The following SHROOM3 variants were observed in gnomAD, a reference collection of about 807,000 sequenced individuals.
SHROOM3 encodes protein Shroom3.
SHROOM3 carries 47 observed loss-of-function variants against 138.6 expected under a neutral mutation model. The observed-to-expected ratio is 0.34, with a 90% confidence interval of 0.27 to 0.43. SHROOM3 has a LOEUF of 0.43. Ranked by LOEUF, SHROOM3 falls within the 20% of genes least tolerant of loss-of-function variation. SHROOM3 has a pLI of 1.00. For missense variants in SHROOM3, 2,491 were observed against 2,596.5 expected, an observed-to-expected ratio of 0.96 and a Z score of 0.88; for synonymous variants, 1,062 against 1,063.3, an observed-to-expected ratio of 1.00 and a Z score of 0.02.
intron 2 of SHROOM3, among the ~76,000 whole-genome samples, chr4:76,620,289 G>T (rs1734975393): frequency 6.6e-6 from 1 of 152,022 alleles, no homozygotes; most frequent in Admixed American, 6.6e-5. Flanking sequence ...GCTGATGAAG[G>T]TGTCCAACAG....
Position 76,741,057 on chromosome 4 carries a change from T to C in SHROOM3, c.2884T>C (p.Ser962Pro), listed in dbSNP as rs1382765703. 5 of 1,505,198 alleles carry C rather than the reference T, an allele frequency of 3.3e-6. No individual in the cohort carries two copies. The African/African-American group carries it at 5.6e-5, about 17-fold the overall frequency. The allele number at this position is 1,505,198 out of a possible 1,614,324, so 93.2% of individuals were successfully genotyped here. A position where few individuals can be genotyped will look rare whatever the true frequency, so the allele number is the denominator to read the frequency against. The change falls in exon 5 of 11, where the codon TCC becomes CCC. Residue 962 changes from serine (S) to proline (P), a missense_variant. Ser to Pro is a moderately conservative substitution (Grantham distance 74). Around this residue, in one of 4 missense-constraint regions of SHROOM3, gnomAD observed 1,733 missense variants for 1,661.6 expected, o/e 1.04. Coordinates refer to ENST00000296043, the MANE Select transcript of SHROOM3 (RefSeq NM_020859.4). This position sits in a 1 kb window ranked among gnomAD's most constrained non-coding sequence, Gnocchi z 6.2. ...GTCGAGGTCCTGGCGGCCACGGCCT[T>C]CCTCGGCCCACGTGGGGCTGCGGAG... is the stretch of plus-strand genomic sequence containing the variant. ...VASRSWRPRPSSAHVGLRSPE... is the reference protein window; with the variant it reads ...VASRSWRPRPPSAHVGLRSPE...
chr4:76,501,601 A>G (rs572212669), intron 1 of SHROOM3, among the ~76,000 whole-genome samples: 1 of 152,324 alleles, frequency 6.6e-6, no homozygotes, highest in South Asian at 2.1e-4. Context: ...AGACTAAGCC[A>G]TAATTATAAG....
At chr4:76,523,532 A>G (rs1191879402) in intron 1 of SHROOM3, among the ~76,000 whole-genome samples, 2 of 152,166 alleles carry the variant, frequency 1.3e-5, no homozygotes, top group Non-Finnish European at 2.9e-5. Flanking sequence ...CCTTCTTTCA[A>G]TGATTCTAAA....
chr4:76,527,907 G>C (rs1259758482), intron 1 of SHROOM3, among the ~76,000 whole-genome samples: 1 of 152,208 alleles, frequency 6.6e-6, no homozygotes, highest in Admixed American at 6.5e-5. Flanking sequence ...AATCCCCACA[G>C]CTGGTGGTGG....
At chr4:76,455,492 A>T (rs181659861) in intron 1 of SHROOM3, among the ~76,000 whole-genome samples, 1 of 152,136 alleles carries the variant, frequency 6.6e-6, no homozygotes, top group Admixed American at 6.5e-5. Flanking sequence ...CCTAGCAAAA[A>T]CTTCATTAAT....
chr4:76,507,609 T>A (rs1438824400), intron 1 of SHROOM3, among the ~76,000 whole-genome samples: 1 of 151,120 alleles, frequency 6.6e-6, no homozygotes, highest in Non-Finnish European at 1.5e-5. Context: ...TGATCTCGGC[T>A]CACTGCAAGC....
At chr4:76,582,242 T>C (rs930059803) in intron 2 of SHROOM3, among the ~76,000 whole-genome samples, 3 of 152,200 alleles carry the variant, frequency 2.0e-5, no homozygotes, top group African/African-American at 7.2e-5. Flanking sequence ...CCCCCATTCA[T>C]AAATTTCCTA....
chr4:76,494,655 G>T (rs1353061240), intron 1 of SHROOM3, among the ~76,000 whole-genome samples: 4 of 152,206 alleles, frequency 2.6e-5, no homozygotes, highest in Non-Finnish European at 5.9e-5. Context: ...TCGTAAGGGG[G>T]TGTCCCCTCC....
chr4:76,748,025 C>T (rs983705964), intron 5 of SHROOM3, among the ~76,000 whole-genome samples: 2 of 152,166 alleles, frequency 1.3e-5, no homozygotes, highest in Admixed American at 1.3e-4. Context: ...ATATTCCAGG[C>T]ATATAATTTG....
intron 2 of SHROOM3, among the ~76,000 whole-genome samples, chr4:76,603,025 T>C (rs1734537194): frequency 6.6e-6 from 1 of 152,222 alleles, no homozygotes; most frequent in African/African-American, 2.4e-5. Context: ...GTACTAAAGA[T>C]GGACTGATCG....
intron 9 of SHROOM3, among the ~76,000 whole-genome samples, chr4:76,765,735 G>A (rs183862948): frequency 2.6e-5 from 4 of 152,150 alleles, no homozygotes; most frequent in East Asian, 1.9e-4. Context: ...CTAATCTTAC[G>A]ACTGCACAAA....
chr4:76,628,730 G>A (rs1014647913), intron 2 of SHROOM3: 1 of 151,868 alleles, frequency 6.6e-6, no homozygotes, highest in African/African-American at 2.4e-5. Context: ...ATATTTGAAG[G>A]GCATTTAAAA....
chr4:76,548,008 AG>A (rs1374321570), intron 1 of SHROOM3, among the ~76,000 whole-genome samples: 1 of 151,948 alleles, frequency 6.6e-6, no homozygotes, highest in African/African-American at 2.4e-5. Flanking sequence ...GAGGAAGATA[AG>A]TAGTATTAGG....
intron 1 of SHROOM3, among the ~76,000 whole-genome samples, chr4:76,551,717 C>T (rs1387351908): frequency 2.0e-5 from 3 of 152,114 alleles, no homozygotes; most frequent in South Asian, 2.1e-4. Context: ...CAGACATAGA[C>T]ATAAATAGCT....
chr4:76,716,016 ATG>A, intron 3 of SHROOM3: 1 of 204,602 alleles, frequency 4.9e-6, no homozygotes, highest in East Asian at 1.3e-4. Flanking sequence ...CTATCATCAG[ATG>A]ATTTTCCTTG....
intron 2 of SHROOM3, among the ~76,000 whole-genome samples, chr4:76,591,787 C>T (rs1734278800): frequency 6.6e-6 from 1 of 151,806 alleles, no homozygotes; most frequent in African/African-American, 2.4e-5. Context: ...CTCATACCCT[C>T]TTTGTGCATA....
At chr4:76,490,307 T>A (rs1434085398) in intron 1 of SHROOM3, among the ~76,000 whole-genome samples, 1 of 152,098 alleles carries the variant, frequency 6.6e-6, no homozygotes, top group Non-Finnish European at 1.5e-5. Context: ...AAATTACAAA[T>A]GAAGACTTGA....
In SHROOM3 at chr4:76,754,864, C is replaced by G; in HGVS notation, c.4381C>G (p.Gln1461Glu). The G allele has an allele frequency of 7.4e-6, 12 of 1,614,182 alleles. No individual in the cohort carries two copies. The highest frequency in any genetic ancestry group is 1.0e-5 in the Non-Finnish European group (12 of 1,180,014). Residue 1461 changes from glutamine (Q) to glutamate (E), a missense_variant, in exon 7 of 11, where the codon CAG becomes GAG. Gln to Glu is a conservative substitution (Grantham distance 29). This residue lies in a region of SHROOM3 where 1,733 missense variants were observed against 1,661.6 expected (regional missense o/e 1.04). Coordinates refer to ENST00000296043, the MANE Select transcript of SHROOM3 (RefSeq NM_020859.4). The stretch of plus-strand genomic sequence containing the variant: ...AAACCTGAAGCACTATCAAAAACAG[C>G]AGAGTCTTCCAAGTTTATGCAGCAC... ...FANLKHYQKQ[Q>E]SLPSLCSTSD...
At chr4:76,586,316 G>A (rs1734154454) in intron 2 of SHROOM3, 1 of 985,610 alleles carries the variant, frequency 1.0e-6, no homozygotes, top group Non-Finnish European at 1.2e-6. Context: ...GGCTCCTGCG[G>A]ATCCTTCCTG....
Sources: allele counts gnomAD v4.1 joint callset (sites outside exome capture counted in the v4.1 genomes callset), GRCh38; gene constraint gnomAD v4.1.1; regional missense constraint gnomAD v4.1.1; non-coding constraint Gnocchi (gnomAD v3.1); transcripts MANE v1.5; gene names NCBI Gene and HGNC (gene_info 2026-07-23, HGNC 2026-07-21).